Variants in LRFN2 observed in about 807,000 individuals in gnomAD.
LRFN2 encodes the protein leucine rich repeat and fibronectin type III domain containing 2.
LRFN2 carries 18 observed loss-of-function variants against 37.3 expected under a neutral mutation model. The ratio of observed to expected loss-of-function variants is 0.48; its 90% confidence interval spans 0.33 to 0.72. LRFN2 has a LOEUF of 0.72. Among genes scored for constraint, LRFN2 ranks in the 30% least tolerant of loss-of-function variants. The pLI, the probability that LRFN2 is intolerant of heterozygous loss-of-function variation, is 0.02. For synonymous variants in LRFN2, 556 were observed against 466.6 expected (o/e 1.19, Z -2.47); for missense variants, 1,006 against 1,060.7 (o/e 0.95, Z 0.72).
chr6:40,520,971 A>G (rs1766046601), intron 1 of LRFN2, among the ~76,000 whole-genome samples: 1 of 152,190 alleles, frequency 6.6e-6, no homozygotes, highest in Admixed American at 6.5e-5. Flanking sequence ...GCACTGGAAC[A>G]AACAGGCCAG....
intron 2 of LRFN2, among the ~76,000 whole-genome samples, chr6:40,418,023 C>T (rs960550739): frequency 6.6e-6 from 1 of 152,188 alleles, no homozygotes; most frequent in East Asian, 1.9e-4. Flanking sequence ...TTCAAATCTC[C>T]CCAGCCCCAG....
intron 1 of LRFN2, among the ~76,000 whole-genome samples, chr6:40,499,991 C>T (rs1213264102): frequency 6.6e-6 from 1 of 152,204 alleles, no homozygotes; most frequent in Admixed American, 6.5e-5. Flanking sequence ...GCTCTAATAA[C>T]CCTTAGAAGA....
At chr6:40,561,851 A>C (rs1283197057) in intron 1 of LRFN2, among the ~76,000 whole-genome samples, 1 of 151,784 alleles carries the variant, frequency 6.6e-6, no homozygotes, top group Non-Finnish European at 1.5e-5. Flanking sequence ...TGGGAGGCCC[A>C]CCCCAGGCTC....
intron 1 of LRFN2, among the ~76,000 whole-genome samples, chr6:40,563,631 C>T (rs1477487327): frequency 1.3e-5 from 2 of 152,154 alleles, no homozygotes; most frequent in Non-Finnish European, 2.9e-5. Flanking sequence ...CTGCCTTCCC[C>T]CTCAACACTG....
chr6:40,461,867 G>C lies in LRFN2; in HGVS notation c.-18-28736C>G, dbSNP rs1249880666. Among the ~76,000 whole-genome samples, 4 of 152,158 alleles carry C rather than the reference G, an allele frequency of 2.6e-5. No individual in the cohort carries two copies. The East Asian group carries it at 7.7e-4, about 29-fold the overall frequency. On this transcript the variant is annotated intron_variant, in intron 1 of 2. Coordinates refer to ENST00000338305, the MANE Select transcript of LRFN2 (RefSeq NM_020737.3). ...TATTAGTCACTACCTGAATAGACTA[G>C]AGACAATTTGATACAATACAGAAAA...
chr6:40,575,958 C>T (rs1767269076), intron 1 of LRFN2, among the ~76,000 whole-genome samples: 1 of 152,114 alleles, frequency 6.6e-6, no homozygotes, highest in South Asian at 2.1e-4. Flanking sequence ...GTACATAAAG[C>T]TTATTTTAGA....
At chr6:40,505,610 G>A (rs1403617707) in intron 1 of LRFN2, among the ~76,000 whole-genome samples, 1 of 152,158 alleles carries the variant, frequency 6.6e-6, no homozygotes, top group Non-Finnish European at 1.5e-5. Context: ...AACAGAATCT[G>A]GCCCTTTCCG....
intron 1 of LRFN2, among the ~76,000 whole-genome samples, chr6:40,585,734 A>G (rs900522595): frequency 1.3e-5 from 2 of 152,088 alleles, no homozygotes; most frequent in Non-Finnish European, 2.9e-5. Context: ...CCTCCCCAGC[A>G]GCAGGGGGTC....
chr6:40,456,509 T>A (rs905662174), intron 1 of LRFN2, among the ~76,000 whole-genome samples: 2 of 152,226 alleles, frequency 1.3e-5, no homozygotes, highest in Non-Finnish European at 1.5e-5. Flanking sequence ...TCTTTGAATC[T>A]TGTGCTCTTG....
chr6:40,482,719 C>T (rs79755820), intron 1 of LRFN2, among the ~76,000 whole-genome samples: 38 of 152,360 alleles, frequency 2.5e-4, no homozygotes, highest in African/African-American at 8.7e-4. Context: ...CACACCCCTC[C>T]GCCCTCGCCC....
chr6:40,501,988 G>A (rs1044612835), intron 1 of LRFN2, among the ~76,000 whole-genome samples: 2 of 152,184 alleles, frequency 1.3e-5, no homozygotes, highest in South Asian at 2.1e-4. Context: ...AAGCCCAGTG[G>A]AGACCCAGAG....
At chr6:40,424,738 C>G (rs1355873096) in intron 2 of LRFN2, among the ~76,000 whole-genome samples, 1 of 152,176 alleles carries the variant, frequency 6.6e-6, no homozygotes, top group East Asian at 1.9e-4. Context: ...CCAGGAGAAT[C>G]CAGACCCTCT....
intron 2 of LRFN2, among the ~76,000 whole-genome samples, chr6:40,413,830 T>C (rs1266728495): frequency 6.6e-6 from 1 of 152,140 alleles, no homozygotes; most frequent in African/African-American, 2.4e-5. Context: ...TTTCCTCTTG[T>C]TCCTCCTTAT....
At chr6:40,475,318 G>A (rs1014927228) in intron 1 of LRFN2, among the ~76,000 whole-genome samples, 2 of 152,202 alleles carry the variant, frequency 1.3e-5, no homozygotes, top group Non-Finnish European at 1.5e-5. Flanking sequence ...AGGGCCCCTG[G>A]AGGAAAAATG....
chr6:40,473,042 C>T (rs1459212523), intron 1 of LRFN2, among the ~76,000 whole-genome samples: 1 of 152,144 alleles, frequency 6.6e-6, no homozygotes. Context: ...ACACCTGCCT[C>T]ATCCCTGCCT....
chr6:40,563,805 A>G (rs1767042345), intron 1 of LRFN2, among the ~76,000 whole-genome samples: 1 of 152,178 alleles, frequency 6.6e-6, no homozygotes, highest in Admixed American at 6.5e-5. Flanking sequence ...AAGGTCTTCA[A>G]TAACTTCCCT....
intron 2 of LRFN2, among the ~76,000 whole-genome samples, chr6:40,417,836 G>A (rs78431593): frequency 0.13 from 19,651 of 152,156 alleles, 1,373 homozygotes; most frequent in African/African-American, 0.17. Context: ...GAAAGAAGGG[G>A]TCCTTCTCCC....
At chr6:40,498,528 T>A (rs954851551) in intron 1 of LRFN2, among the ~76,000 whole-genome samples, 4 of 152,204 alleles carry the variant, frequency 2.6e-5, no homozygotes, top group African/African-American at 9.7e-5. Flanking sequence ...AAAAAAAGCA[T>A]GTAGACTTGC....
intron 1 of LRFN2, among the ~76,000 whole-genome samples, chr6:40,525,606 T>C (rs1766229741): frequency 6.6e-6 from 1 of 152,226 alleles, no homozygotes; most frequent in Admixed American, 6.5e-5. Flanking sequence ...TGCAGAACTT[T>C]ATGAGCAAAG....
Sources: gnomAD v4.1 joint callset for allele counts (sites outside exome capture counted in the v4.1 genomes callset) on GRCh38, gnomAD v4.1.1 for gene constraint, MANE v1.5 for transcripts, NCBI Gene and HGNC (gene_info 2026-07-23, HGNC 2026-07-21) for gene names.